The following PLSCR1 variants were observed in gnomAD, a reference collection of about 807,000 sequenced individuals.
PLSCR1 encodes PL scramblase 1.
PLSCR1 carries 17 observed loss-of-function variants against 37.8 expected under a neutral mutation model. The observed-to-expected ratio is 0.45, with a 90% confidence interval of 0.31 to 0.68. The LOEUF (loss-of-function observed/expected upper bound fraction) is 0.68. Among genes scored for constraint, PLSCR1 ranks in the 30% least tolerant of loss-of-function variants. The probability of loss-of-function intolerance (pLI) is 0.06; values close to 1 mark genes in which losing one functional copy is unlikely to be tolerated. For synonymous variants in PLSCR1, 116 were observed against 125.9 expected, an observed-to-expected ratio of 0.92 and a Z score of 0.53; for missense variants, 347 against 380.9, an observed-to-expected ratio of 0.91 and a Z score of 0.74.
At chr3:146,534,237 C>T (rs549619088) in intron 2 of PLSCR1, among the ~76,000 whole-genome samples, 3 of 152,186 alleles carry the variant, frequency 2.0e-5, no homozygotes, top group South Asian at 2.1e-4. Flanking sequence ...GGTTACCTAC[C>T]GCAGCCAGTC....
intron 3 of PLSCR1, among the ~76,000 whole-genome samples, chr3:146,529,607 G>T (rs773097454): frequency 2.6e-4 from 40 of 151,686 alleles, no homozygotes; most frequent in Non-Finnish European, 4.6e-4. Context: ...CCACCTCCTG[G>T]GTTCACACCA....
intron 1 of PLSCR1, among the ~76,000 whole-genome samples, chr3:146,537,118 AT>A (rs35815954): frequency 0.28 from 40,745 of 146,522 alleles, 5,598 homozygotes; most frequent in African/African-American, 0.32. Flanking sequence ...GCATTCAGAG[AT>A]TTTTTTTTTT....
At chr3:146,525,349 G>T (rs1337599057) in intron 5 of PLSCR1, among the ~76,000 whole-genome samples, 2 of 152,198 alleles carry the variant, frequency 1.3e-5, no homozygotes, top group African/African-American at 2.4e-5. Flanking sequence ...TATGAAGAGA[G>T]GAGCAAAATA....
intron 4 of PLSCR1, 32 bp downstream of exon 4, chr3:146,528,582 T>G: frequency 6.5e-7 from 1 of 1,548,750 alleles, no homozygotes; most frequent in Non-Finnish European, 8.9e-7. Context: ...ACAGTTCTGT[T>G]TTTTATGAGT....
chr3:146,522,391 C>CTGTAATCTGTAA (rs2044036314), intron 5 of PLSCR1, among the ~76,000 whole-genome samples: 1 of 151,762 alleles, frequency 6.6e-6, no homozygotes. Flanking sequence ...GTAACCCTAC[C>CTGTAATCTGTAA]CCCCACCCTG....
At position 146,533,485 on chromosome 3, in the gene PLSCR1, G is replaced by A. The variant is rs1426227831; in HGVS notation, c.79C>T (p.Pro27Ser). Residue 27 changes from proline to serine, a missense_variant, in exon 3 of 9, where the codon CCG becomes TCG. Pro to Ser is a moderately conservative substitution (Grantham distance 74, BLOSUM62 -1). Coordinates refer to ENST00000342435, the MANE Select transcript of PLSCR1 (RefSeq NM_021105.3). ...ACTGCTTTACCTTGGAATGCTGTCG[G>A]TGGATACTGAGGAGGATACCCAACT... is the stretch of plus-strand genomic sequence containing the variant. ...LPVGYPPQYP[P>S]TAFQGPPGYS... The A allele has an allele frequency of 6.3e-7, 1 of 1,597,456 alleles. No homozygotes were observed. Among genetic ancestry groups the A allele is most frequent in the Non-Finnish European group, 8.6e-7 (1 of 1,167,506 alleles).
At chr3:146,537,889 G>T (rs1487549489) in intron 1 of PLSCR1, 4 of 151,736 alleles carry the variant, frequency 2.6e-5, no homozygotes, top group African/African-American at 7.3e-5. Context: ...GGTTTTTTTT[G>T]TTTGTTTGTT....
In PLSCR1 at chr3:146,521,593, AT is replaced by A. The variant is rs2044020953; in HGVS notation, c.688del (p.Ile230Ter). ...QNEKREDVLK[I>X]SGPCVVCSCC... ...GCTGCACACAACACATGGACCACTT[AT>A]TTTTAGTACATCCTCTCTTTTCTCA... On this transcript the variant is annotated frameshift_variant, in exon 7 of 9. Coordinates refer to ENST00000342435, the MANE Select transcript of PLSCR1 (RefSeq NM_021105.3). LOFTEE classifies it high-confidence loss of function. The A allele has an allele frequency of 1.2e-6, 2 of 1,614,002 alleles. No individual in the cohort carries two copies. Among genetic ancestry groups the A allele is most frequent in the East Asian group, 4.5e-5 (2 of 44,874 alleles).
intron 3 of PLSCR1, among the ~76,000 whole-genome samples, chr3:146,529,718 T>A (rs1294508761): frequency 1.3e-5 from 2 of 152,104 alleles, no homozygotes; most frequent in Non-Finnish European, 2.9e-5. Context: ...TTTCAGTGTG[T>A]TAGCCAGGAT....
Position 146,536,539 on chromosome 3 carries a change from CTTTG to C in PLSCR1, c.10_13del (p.Gln4ThrfsTer4), listed in dbSNP as rs761206883. 6.4e-6 allele frequency: 9 copies of C among 1,405,906 alleles called. No individual in the cohort carries two copies. Among genetic ancestry groups the C allele is most frequent in the East Asian group, 2.3e-5 (1 of 43,862 alleles). 87.1% of individuals were successfully genotyped at this position (1,405,906 alleles called of 1,614,324 possible). ...GTAAACATTTAAAATAAATTACTTA[CTTTG>C]TTTGTCCATGATTAAAACAGTTCTG... is the stretch of plus-strand genomic sequence containing the variant. On this transcript the variant is annotated frameshift_variant and splice_region_variant, in exon 2 of 9. Transcript: ENST00000342435. LOFTEE classifies it high-confidence loss of function.
At chr3:146,528,938 T>C in intron 3 of PLSCR1, 107 bp from the exon 4 acceptor site, 1 of 732,566 alleles carries the variant, frequency 1.4e-6, no homozygotes, top group Non-Finnish European at 2.2e-6. Flanking sequence ...AGCGTAGACA[T>C]CTGTATCTGT....
At chr3:146,525,749 A>G in intron 4 of PLSCR1, 102 bp from the exon 5 acceptor site, 1 of 568,530 alleles carries the variant, frequency 1.8e-6, no homozygotes, top group Non-Finnish European at 3.1e-6. Flanking sequence ...AAGTACATGT[A>G]ACCAATTATC....
chr3:146,529,802 C>T (rs1369786801), intron 3 of PLSCR1, among the ~76,000 whole-genome samples: 3 of 152,222 alleles, frequency 2.0e-5, no homozygotes, highest in East Asian at 3.9e-4. Flanking sequence ...CGTGAGCCAC[C>T]GCGCCCATTC....
At position 146,525,650 on chromosome 3, in the gene PLSCR1, A is replaced by G. The variant is rs1395596569; in HGVS notation, c.313-3T>C. ...TGATGAATCAGTATCTGATCTATCT[A>G]TAGCAGGAAAAAAAATAAGTGGTAT... On this transcript the variant is annotated splice_region_variant and splice_polypyrimidine_tract_variant and intron_variant, in intron 4 of 8. Coordinates refer to ENST00000342435, the MANE Select transcript of PLSCR1 (RefSeq NM_021105.3). 6.8e-7 allele frequency: 1 copy of G among 1,463,400 alleles called. No homozygotes were observed. The highest frequency in any genetic ancestry group is 2.3e-5 in the East Asian group (1 of 43,572). 90.7% of individuals were successfully genotyped at this position (1,463,400 alleles called of 1,614,324 possible). A position where few individuals can be genotyped will look rare whatever the true frequency, so the allele number is the denominator to read the frequency against.
chr3:146,527,162 T>C (rs913284374), intron 4 of PLSCR1, among the ~76,000 whole-genome samples: 2 of 151,864 alleles, frequency 1.3e-5, no homozygotes, highest in African/African-American at 4.8e-5. Flanking sequence ...ACTAGAATAG[T>C]GGTTACTAGA....
chr3:146,524,302 C>G (rs1198181461), intron 5 of PLSCR1, among the ~76,000 whole-genome samples: 1 of 151,762 alleles, frequency 6.6e-6, no homozygotes, highest in Non-Finnish European at 1.5e-5. Flanking sequence ...TTATTGTCTT[C>G]TGTGTTTTGA....
intron 3 of PLSCR1, among the ~76,000 whole-genome samples, chr3:146,530,081 T>C (rs1187654017): frequency 6.6e-6 from 1 of 152,214 alleles, no homozygotes; most frequent in African/African-American, 2.4e-5. Context: ...TCTGCGAATG[T>C]GTGATTACAA....
At chr3:146,526,098 G>A (rs796189897) in intron 4 of PLSCR1, among the ~76,000 whole-genome samples, 12 of 141,158 alleles carry the variant, frequency 8.5e-5, no homozygotes, top group African/African-American at 3.2e-4. Context: ...CAGGAGAATC[G>A]CCTGAACCCA....
chr3:146,542,116 G>A (rs1036097113), intron 1 of PLSCR1, among the ~76,000 whole-genome samples: 2 of 152,154 alleles, frequency 1.3e-5, no homozygotes, highest in Non-Finnish European at 2.9e-5. Flanking sequence ...CATTACAGTA[G>A]TACATGCTAT....
Sources: gnomAD v4.1 joint callset for allele counts (sites outside exome capture counted in the v4.1 genomes callset) on GRCh38, gnomAD v4.1.1 for gene constraint, MANE v1.5 for transcripts, NCBI Gene and HGNC (gene_info 2026-07-23, HGNC 2026-07-21) for gene names.